The following ZNF385D variants were observed in gnomAD, a reference collection of about 807,000 sequenced individuals.
The protein encoded by ZNF385D is zinc finger protein 659.
In ZNF385D, 15 loss-of-function variants were observed where a neutral mutation model predicts 35.8. That is an observed-to-expected ratio of 0.42 (90% confidence interval 0.28 to 0.64). ZNF385D has a LOEUF of 0.64. Ranked by LOEUF, ZNF385D falls within the 30% of genes least tolerant of loss-of-function variation. The pLI is 0.23. For missense variants in ZNF385D, 474 were observed against 494.6 expected (o/e 0.96, Z 0.39); for synonymous variants, 212 against 186.8 (o/e 1.13, Z -1.10).
intron 2 of ZNF385D, among the ~76,000 whole-genome samples, chr3:22,276,946 T>G (rs75136228): frequency 1.3e-5 from 2 of 152,122 alleles, no homozygotes; most frequent in Non-Finnish European, 2.9e-5. Context: ...TTTCAACACA[T>G]GCATTCACTT....
chr3:21,744,969 G>A (rs2069696881), intron 1 of ZNF385D, among the ~76,000 whole-genome samples: 1 of 152,158 alleles, frequency 6.6e-6, no homozygotes, highest in African/African-American at 2.4e-5. Flanking sequence ...GGAATGCGTG[G>A]AGGAAGTGGA....
At chr3:21,766,377 G>C (rs529213470) in intron 3 of ZNF385D, among the ~76,000 whole-genome samples, 1 of 152,174 alleles carries the variant, frequency 6.6e-6, no homozygotes, top group African/African-American at 2.4e-5. Flanking sequence ...TCTGTTATGG[G>C]TACAGGACAT....
chr3:21,839,779 AG>A (rs1695551162), intron 3 of ZNF385D, among the ~76,000 whole-genome samples: 1 of 152,040 alleles, frequency 6.6e-6, no homozygotes, highest in African/African-American at 2.4e-5. Context: ...GTCACATACC[AG>A]CAATCAAATG....
At chr3:21,641,100 G>A (rs145054017) in intron 2 of ZNF385D, among the ~76,000 whole-genome samples, 6 of 152,162 alleles carry the variant, frequency 3.9e-5, no homozygotes, top group South Asian at 2.1e-4. Context: ...CAGCAATATC[G>A]TAAAGGCTGG....
chr3:21,825,715 C>T (rs559694311), intron 3 of ZNF385D, among the ~76,000 whole-genome samples: 1 of 152,280 alleles, frequency 6.6e-6, no homozygotes, highest in African/African-American at 2.4e-5. Context: ...GTCTCTTTCT[C>T]TGTGTTTGTC....
chr3:21,936,594 A>C lies in ZNF385D; in HGVS notation c.325+232223T>G, dbSNP rs145295197. Among the ~76,000 whole-genome samples, 378 of 152,064 alleles carry C rather than the reference A, an allele frequency of 2.5e-3. 1 individual carries two copies. The highest frequency in any genetic ancestry group is 8.7e-3 in the African/African-American group (360 of 41,518). ...TATATACTCATTTATTATAGGTTTG[A>C]TTGTTAAATGTTTCCTCTACTAGAA... On this transcript the variant is annotated intron_variant, in intron 3 of 5. Transcript: ENST00000494108.
intron 3 of ZNF385D, among the ~76,000 whole-genome samples, chr3:21,966,285 T>G (rs997063632): frequency 3.9e-5 from 6 of 152,234 alleles, no homozygotes; most frequent in Non-Finnish European, 8.8e-5. Context: ...AGCTTGTATT[T>G]TGTTTGGAAA....
chr3:22,030,567 T>C (rs1697937201), intron 3 of ZNF385D, among the ~76,000 whole-genome samples: 2 of 151,754 alleles, frequency 1.3e-5, no homozygotes, highest in Non-Finnish European at 2.9e-5. Flanking sequence ...CTCAGTATCA[T>C]GAGAACAGCA....
chr3:21,690,791 G>A (rs541554993), intron 1 of ZNF385D, among the ~76,000 whole-genome samples: 57 of 152,234 alleles, frequency 3.7e-4, no homozygotes, highest in Non-Finnish European at 7.5e-4. Flanking sequence ...TGAATATTAG[G>A]CCTAGTAATG....
chr3:21,599,000 T>C (rs2064204186), intron 2 of ZNF385D, among the ~76,000 whole-genome samples: 1 of 152,210 alleles, frequency 6.6e-6, no homozygotes, highest in Non-Finnish European at 1.5e-5. Context: ...ATTATAAAAA[T>C]GGCTGAAGAG....
chr3:21,461,420 T>C (rs1419653360), intron 4 of ZNF385D, among the ~76,000 whole-genome samples: 1 of 151,812 alleles, frequency 6.6e-6, no homozygotes, highest in Non-Finnish European at 1.5e-5. Flanking sequence ...TCGTGGTGGG[T>C]GCCTGTATTC....
In ZNF385D at chr3:21,964,470, A is replaced by ATTT. The variant is rs377650103; in HGVS notation, c.325+204344_325+204346dup. On this transcript the variant is annotated intron_variant, in intron 3 of 5. Transcript: ENST00000494108. ...AAGAAAAAGATGTCCAATTTCTCAG[A>ATTT]TTTTTTTTTTTTTTTTTTTTTTTTT... Among the ~76,000 whole-genome samples the ATTT allele has an allele frequency of 1.0e-3, 68 of 68,160 alleles. 4 individuals carry two copies. The highest frequency in any genetic ancestry group is 3.8e-3 in the East Asian group (8 of 2,104). 44.7% of individuals were successfully genotyped at this position (68,160 alleles called of 152,430 possible).
intron 1 of ZNF385D, among the ~76,000 whole-genome samples, chr3:21,726,618 G>A (rs181807462): frequency 1.3e-5 from 2 of 152,026 alleles, no homozygotes; most frequent in Non-Finnish European, 2.9e-5. Context: ...GACTTACAAG[G>A]GATACGAAGG....
intron 2 of ZNF385D, among the ~76,000 whole-genome samples, chr3:21,631,850 C>T (rs572504936): frequency 2.4e-4 from 36 of 152,186 alleles, no homozygotes; most frequent in Admixed American, 4.6e-4. Context: ...GATGCAATCT[C>T]GTCATGTTTT....
At chr3:21,649,845 G>C (rs2065860550) in intron 2 of ZNF385D, among the ~76,000 whole-genome samples, 1 of 152,110 alleles carries the variant, frequency 6.6e-6, no homozygotes, top group African/African-American at 2.4e-5. Flanking sequence ...ATTATTTAAA[G>C]TGTATTGGTT....
At chr3:22,129,088 T>G (rs1609172) in intron 3 of ZNF385D, among the ~76,000 whole-genome samples, 139,792 of 152,216 alleles carry the variant, frequency 0.92, 64,348 homozygotes, top group African/African-American at 0.98. Context: ...CAGACTTGTA[T>G]ATGTACCACC....
rs145166323 is a variant in ZNF385D at position 21,792,326 on chromosome 3, T to G, written c.326-127298A>C. ...TTTATTGAGTTGTGACAACCACTCT[T>G]TGTCTCTAGGGAAGTAAACATTTCC... On this transcript the variant is annotated intron_variant, in intron 3 of 5. Coordinates refer to the ZNF385D transcript ENST00000494108. Among the ~76,000 whole-genome samples the G allele has an allele frequency of 3.1e-3, 479 of 152,256 alleles. 4 individuals are homozygous for G. The highest frequency in any genetic ancestry group is 0.011 in the African/African-American group (447 of 41,550).
At chr3:21,552,184 C>T (rs760868240) in intron 3 of ZNF385D, among the ~76,000 whole-genome samples, 17 of 152,158 alleles carry the variant, frequency 1.1e-4, no homozygotes, top group Non-Finnish European at 2.2e-4. Flanking sequence ...AGGGCTGTCG[C>T]ATTGGGCTTA....
At chr3:21,626,796 A>C (rs1383523673) in intron 2 of ZNF385D, among the ~76,000 whole-genome samples, 1 of 152,100 alleles carries the variant, frequency 6.6e-6, no homozygotes, top group African/African-American at 2.4e-5. Context: ...GAATAGGGAA[A>C]GAGAACCAAG....
Sources: gnomAD v4.1 joint callset for allele counts (sites outside exome capture counted in the v4.1 genomes callset) on GRCh38, gnomAD v4.1.1 for gene constraint, MANE v1.5 for transcripts, NCBI Gene and HGNC (gene_info 2026-07-23, HGNC 2026-07-21) for gene names.